SPOCK2: variants seen among roughly 807,000 people sequenced by gnomAD.
The protein encoded by SPOCK2 is SPARC (osteonectin), cwcv and kazal like domains proteoglycan 2.
A neutral mutation model predicts 60.1 loss-of-function variants in SPOCK2; 39 were observed. That is an observed-to-expected ratio of 0.65 (90% confidence interval 0.50 to 0.85). SPOCK2 has a LOEUF of 0.85. SPOCK2 is among the 40% of genes least tolerant of loss of function. SPOCK2 has a pLI of 0.00. For missense variants in SPOCK2, 523 were observed against 567.4 expected (o/e 0.92, Z 0.80); for synonymous variants, 217 against 231.5 (o/e 0.94, Z 0.57).
At chr10:72,071,352 G>C (rs763380974) in intron 4 of SPOCK2, among the ~76,000 whole-genome samples, 3 of 152,242 alleles carry the variant, frequency 2.0e-5, no homozygotes, top group African/African-American at 4.8e-5. Context: ...ACCATGCCCA[G>C]CTAATTTTGT....
intron 1 of SPOCK2, chr10:72,086,264 AG>A (rs1302467971): frequency 2.0e-6 from 2 of 987,128 alleles, no homozygotes; most frequent in Non-Finnish European, 2.4e-6. Context: ...CATGAGAGGA[AG>A]GGGGAAGTGG....
Position 72,070,549 on chromosome 10 carries a change from C to A in SPOCK2, c.360-123G>T, listed in dbSNP as rs553020938. 75 of 851,458 alleles carry A rather than the reference C, an allele frequency of 8.8e-5. No homozygotes were observed. In the South Asian group the frequency reaches 1.0e-3, roughly 12 times the overall value. 52.7% of individuals were successfully genotyped at this position (851,458 alleles called of 1,614,324 possible). ...GCAGCAATCTTCAGCAGATCAGCCCCTTCCTGCCCCTGCCCACCCTCCCCA... is the reference window on the plus strand; with the variant it reads ...GCAGCAATCTTCAGCAGATCAGCCCATTCCTGCCCCTGCCCACCCTCCCCA... On this transcript the variant is annotated intron_variant, in intron 4 of 10. Transcript: ENST00000373109.
Position 72,062,577 on chromosome 10 carries a change from A to C in SPOCK2, c.*183T>G. 1 of 1,146,024 alleles carries C rather than the reference A, an allele frequency of 8.7e-7. No homozygotes were observed. The highest frequency in any genetic ancestry group is 1.2e-6 in the Non-Finnish European group (1 of 814,510). The allele number at this position is 1,146,024 out of a possible 1,614,324, so 71.0% of individuals were successfully genotyped here. ...CATACACACATGCATGCACACATGC[A>C]CTCACACTGTCACCCGTCCCAGCCA... is the stretch of plus-strand genomic sequence containing the variant. On this transcript the variant is annotated 3_prime_UTR_variant, in exon 11 of 11. Transcript: ENST00000373109. The surrounding 1 kb of genome is among the most constrained non-coding windows in gnomAD (Gnocchi z 4.3).
At chr10:72,089,029 A>C (rs920320523), upstream of SPOCK2, 1 of 152,368 alleles carries the variant, frequency 6.6e-6, no homozygotes, top group African/African-American at 2.4e-5. Flanking sequence ...GCCGTATAAC[A>C]ACTGGCTGCT....
chr10:72,073,832 C>A (rs1279947470), intron 1 of SPOCK2, among the ~76,000 whole-genome samples: 2 of 152,268 alleles, frequency 1.3e-5, no homozygotes, highest in African/African-American at 4.8e-5. Flanking sequence ...ACTTATCTGG[C>A]TTCCTCCCTT....
At chr10:72,082,487 CG>C (rs1172443056) in intron 1 of SPOCK2, among the ~76,000 whole-genome samples, 1 of 152,080 alleles carries the variant, frequency 6.6e-6, no homozygotes, top group Non-Finnish European at 1.5e-5. Context: ...GATTAGGAGG[CG>C]GGGCCTTGGG....
chr10:72,077,746 C>CAAA (rs1840732301), intron 1 of SPOCK2, among the ~76,000 whole-genome samples: 1 of 152,220 alleles, frequency 6.6e-6, no homozygotes, highest in Non-Finnish European at 1.5e-5. Context: ...TGGGAGAACC[C>CAAA]AGGCTCCTGC....
At position 72,072,672 on chromosome 10, in the gene SPOCK2, G is replaced by A. The variant is rs905979759; in HGVS notation, c.199-124C>T. 3 of 1,459,740 alleles carry A rather than the reference G, an allele frequency of 2.1e-6. No individual in the cohort carries two copies. In the African/African-American group the frequency reaches 4.2e-5, roughly 20 times the overall value. 90.4% of individuals were successfully genotyped at this position (1,459,740 alleles called of 1,614,324 possible). ...ATGTGCCAATGGCCGTCATCCTGGTGGCTGACCCCTGTCCACCCAGGCCCT... is the reference window on the plus strand; with the variant it reads ...ATGTGCCAATGGCCGTCATCCTGGTAGCTGACCCCTGTCCACCCAGGCCCT... On this transcript the variant is annotated intron_variant, in intron 2 of 10. Transcript: ENST00000373109.
chr10:72,066,864 C>G (rs373316571), intron 8 of SPOCK2, 38 bp downstream of exon 8: 4 of 1,611,110 alleles, frequency 2.5e-6, no homozygotes, highest in Non-Finnish European at 3.4e-6. Flanking sequence ...AGAGCCCACA[C>G]GGGTGAGGCA....
In SPOCK2 at chr10:72,088,329, C is replaced by T. The variant is rs1421553824; in HGVS notation, c.-1G>A. ...GCCGCCCGCAGCCCGGGGCGCGCATCGTGGTCTGGGTTCGACCTGGGGGGG... is the reference window on the plus strand; with the variant it reads ...GCCGCCCGCAGCCCGGGGCGCGCATTGTGGTCTGGGTTCGACCTGGGGGGG... On this transcript the variant is annotated 5_prime_UTR_variant, in exon 1 of 11. Transcript: ENST00000373109. The T allele has an allele frequency of 2.8e-5, 43 of 1,563,298 alleles. No homozygotes were observed. Among genetic ancestry groups the T allele is most frequent in the Non-Finnish European group, 3.5e-5 (41 of 1,162,184 alleles).
At chr10:72,070,182 A>G (rs962197676) in intron 5 of SPOCK2, 130 bp downstream of exon 5, 1 of 813,126 alleles carries the variant, frequency 1.2e-6, no homozygotes, top group African/African-American at 1.7e-5. Flanking sequence ...CATTGAACAC[A>G]CTGACCTTGC....
intron 4 of SPOCK2, among the ~76,000 whole-genome samples, chr10:72,071,313 AC>A (rs1840644489): frequency 6.6e-6 from 1 of 151,730 alleles, no homozygotes; most frequent in South Asian, 2.1e-4. Flanking sequence ...TCTCAGCCAC[AC>A]GAGTATCTGG....
At chr10:72,085,245 C>T (rs1840839091) in intron 1 of SPOCK2, among the ~76,000 whole-genome samples, 1 of 152,120 alleles carries the variant, frequency 6.6e-6, no homozygotes, top group African/African-American at 2.4e-5. Flanking sequence ...GATCTGTAGG[C>T]CAGGGAGCCA....
At chr10:72,088,948 G>C (rs1023561522), upstream of SPOCK2, 1 of 152,314 alleles carries the variant, frequency 6.6e-6, no homozygotes, top group Non-Finnish European at 1.5e-5. Flanking sequence ...AGGGGCCTGC[G>C]CCACAGCCCT....
intron 8 of SPOCK2, among the ~76,000 whole-genome samples, chr10:72,065,128 C>T (rs1321749814): frequency 7.9e-6 from 1 of 127,056 alleles, no homozygotes. Flanking sequence ...CTCTGCCTCC[C>T]GGGTTCAAGT....
Position 72,087,258 on chromosome 10 carries a change from C to G in SPOCK2, c.189+882G>C, listed in dbSNP as rs1840872274. On this transcript the variant is annotated intron_variant, in intron 1 of 10. Coordinates refer to ENST00000373109, the MANE Select transcript of SPOCK2 (RefSeq NM_001244950.2). This position sits in a 1 kb window ranked among gnomAD's most constrained non-coding sequence, Gnocchi z 4.7. The stretch of plus-strand genomic sequence containing the variant: ...CGCCTGCGACTTCCCCTCTGATCCA[C>G]AGGTGCCGGTAAACAAAAGTGCCGC... 6.6e-6 allele frequency among the ~76,000 whole-genome samples: 1 copy of G among 152,098 alleles called. No homozygotes were observed. The highest frequency in any genetic ancestry group is 2.4e-5 in the African/African-American group (1 of 41,406).
chr10:72,081,115 G>A (rs1053662588), intron 1 of SPOCK2, among the ~76,000 whole-genome samples: 1 of 152,202 alleles, frequency 6.6e-6, no homozygotes, highest in Non-Finnish European at 1.5e-5. Flanking sequence ...ACAGGCCGTG[G>A]TGCAGGGGAA....
At chr10:72,066,676 T>C (rs1840572337) in intron 8 of SPOCK2, among the ~76,000 whole-genome samples, 1 of 152,020 alleles carries the variant, frequency 6.6e-6, no homozygotes, top group Non-Finnish European at 1.5e-5. Context: ...ACCCACAAAA[T>C]CTGGATCCGC....
At position 72,066,838 on chromosome 10, in the gene SPOCK2, G is replaced by A; in HGVS notation, c.928+64C>T. The A allele has an allele frequency of 3.1e-6, 5 of 1,589,788 alleles. No homozygotes were observed. The Admixed American group carries it at 8.4e-5, about 27-fold the overall frequency. On this transcript the variant is annotated intron_variant, in intron 8 of 10. Coordinates refer to ENST00000373109, the MANE Select transcript of SPOCK2 (RefSeq NM_001244950.2). ...AGAGCCACTCTGACTTCCCAAGAGA[G>A]CCTGGAACTTCGGGTAGAGCCCACA...
Sources: allele counts gnomAD v4.1 joint callset (sites outside exome capture counted in the v4.1 genomes callset), GRCh38; gene constraint gnomAD v4.1.1; non-coding constraint Gnocchi (gnomAD v3.1); transcripts MANE v1.5; gene names NCBI Gene and HGNC (gene_info 2026-07-23, HGNC 2026-07-21).